The following CES5A variants were observed in gnomAD, a reference collection of about 807,000 sequenced individuals.
The protein encoded by CES5A is carboxylesterase 5.
A neutral mutation model predicts 62.9 loss-of-function variants in CES5A; 67 were observed. The ratio of observed to expected loss-of-function variants is 1.07; its 90% CI spans 0.88 to 1.31. The LOEUF (loss-of-function observed/expected upper bound fraction) is 1.31. Ranked by LOEUF, CES5A falls within the 50% of genes most tolerant of loss-of-function variation. CES5A has a pLI of 0.00. For synonymous variants in CES5A, 296 were observed against 280.8 expected, an observed-to-expected ratio of 1.05 and a Z score of -0.54; for missense variants, 748 against 708.5, an observed-to-expected ratio of 1.06 and a Z score of -0.63.
chr16:55,894,283 C>T (rs750552162), intron 1 of CES5A, among the ~76,000 whole-genome samples: 15 of 151,594 alleles, frequency 9.9e-5, no homozygotes, highest in African/African-American at 2.7e-4. Context: ...CCAAGGCAGG[C>T]GGATCATGAG....
intron 1 of CES5A, among the ~76,000 whole-genome samples, chr16:55,920,513 A>AC (rs1210659669): frequency 2.6e-5 from 4 of 151,770 alleles, no homozygotes; most frequent in South Asian, 4.2e-4. Context: ...CCCCTTTGAG[A>AC]CCCCCCCATT....
At chr16:55,875,093 A>T (rs1223569060) in intron 1 of CES5A, 56 bp downstream of exon 1, 1 of 1,545,668 alleles carries the variant, frequency 6.5e-7, no homozygotes, top group African/African-American at 1.4e-5. Context: ...CTACCAGTGG[A>T]AAATCCTCAC....
intron 1 of CES5A, among the ~76,000 whole-genome samples, chr16:55,902,177 G>C (rs115528534): frequency 0.012 from 1,811 of 152,232 alleles, 50 homozygotes; most frequent in African/African-American, 0.041. Context: ...GGCAGGCCAG[G>C]GCAGCCGGCA....
chr16:55,863,761 CTTT>C (rs35575589), intron 5 of CES5A, among the ~76,000 whole-genome samples: 3 of 141,484 alleles, frequency 2.1e-5, no homozygotes, highest in African/African-American at 2.6e-5. Context: ...CTTTTTATTT[CTTT>C]TTTTTTTTTT....
chr16:55,865,934 T>C (rs2033447743), intron 5 of CES5A, 29 bp downstream of exon 5: 1 of 1,613,934 alleles, frequency 6.2e-7, no homozygotes, highest in Non-Finnish European at 8.5e-7. Flanking sequence ...GCACTGAGAT[T>C]CATTCAAACC....
At position 55,863,252 on chromosome 16, in the gene CES5A, C is replaced by T. The variant is rs1432559990; in HGVS notation, c.810+96G>A. ...CAGCATGAGGTGCCTTGGGCATGGTCACTAAGGAAAGCCAAACACATGGTG... is the reference window on the plus strand; with the variant it reads ...CAGCATGAGGTGCCTTGGGCATGGTTACTAAGGAAAGCCAAACACATGGTG... On this transcript the variant is annotated intron_variant, in intron 6 of 12. Coordinates refer to ENST00000290567, the MANE Select transcript of CES5A (RefSeq NM_001143685.2). The T allele has an allele frequency of 1.0e-5, 8 of 763,108 alleles. No homozygotes were observed. The Admixed American group carries it at 1.1e-4, about 10-fold the overall frequency. The allele number at this position is 763,108 out of a possible 1,614,324, so 47.3% of individuals were successfully genotyped here.
At chr16:55,864,680 A>C (rs2033419396) in intron 5 of CES5A, among the ~76,000 whole-genome samples, 2 of 151,930 alleles carry the variant, frequency 1.3e-5, no homozygotes, top group South Asian at 4.2e-4. Flanking sequence ...GGATCACTTG[A>C]GCCCAGAAGT....
At chr16:55,874,707 A>G (rs1474518331) in intron 1 of CES5A, among the ~76,000 whole-genome samples, 1 of 152,216 alleles carries the variant, frequency 6.6e-6, no homozygotes, top group Non-Finnish European at 1.5e-5. Flanking sequence ...GAGACTGGGC[A>G]TGCAGGGGTC....
chr16:55,852,551 A>T (rs1344102927), intron 10 of CES5A, among the ~76,000 whole-genome samples: 2 of 152,236 alleles, frequency 1.3e-5, no homozygotes, highest in Non-Finnish European at 2.9e-5. Flanking sequence ...TTGTTCCATT[A>T]CTACGTATGG....
In CES5A at chr16:55,872,286, C is replaced by G. The variant is rs78619444; in HGVS notation, c.279-523G>C. 4.3e-3 allele frequency among the ~76,000 whole-genome samples: 658 copies of G among 152,334 alleles called. 29 individuals carry two copies. The East Asian group carries it at 0.086, about 20-fold the overall frequency. ...AAGCCGGGCCCTTGCCTCGACTGCT[C>G]TCTCCCTGTATCTGCGTGCTCACAT... On this transcript the variant is annotated intron_variant, in intron 2 of 12. Coordinates refer to ENST00000290567, the MANE Select transcript of CES5A (RefSeq NM_001143685.2).
upstream of CES5A, among the ~76,000 whole-genome samples, chr16:55,926,787 C>T (rs2039252324): frequency 6.6e-6 from 1 of 152,208 alleles, no homozygotes; most frequent in Non-Finnish European, 1.5e-5. Flanking sequence ...CTTTCAAGAA[C>T]GTCAACATGC....
At chr16:55,895,336 G>A (rs1187315056) in intron 1 of CES5A, among the ~76,000 whole-genome samples, 1 of 152,226 alleles carries the variant, frequency 6.6e-6, no homozygotes, top group African/African-American at 2.4e-5. Context: ...TCCAACCTAT[G>A]AGAGGAGCTG....
intron 2 of CES5A, among the ~76,000 whole-genome samples, chr16:55,931,124 G>A (rs764609974): frequency 6.6e-5 from 10 of 152,184 alleles, no homozygotes; most frequent in African/African-American, 9.7e-5. Flanking sequence ...CAGGGTTCTT[G>A]ACTCCTAGTC....
intron 1 of CES5A, among the ~76,000 whole-genome samples, chr16:55,899,146 G>A (rs1395883032): frequency 2.0e-5 from 3 of 152,132 alleles, no homozygotes; most frequent in Non-Finnish European, 4.4e-5. Context: ...CTGTTTAAGT[G>A]CCTGCCCTAG....
At chr16:55,862,542 A>C (rs1353803018) in intron 6 of CES5A, among the ~76,000 whole-genome samples, 2 of 152,328 alleles carry the variant, frequency 1.3e-5, no homozygotes, top group African/African-American at 4.8e-5. Flanking sequence ...ATATGCCCAA[A>C]CTGAAAATAG....
intron 1 of CES5A, among the ~76,000 whole-genome samples, chr16:55,920,546 A>T (rs929065727): frequency 6.6e-6 from 1 of 152,216 alleles, no homozygotes; most frequent in African/African-American, 2.4e-5. Flanking sequence ...TGCTTAGATC[A>T]TTTATTAGAA....
chr16:55,857,886 G>A (rs1438517715), intron 8 of CES5A, among the ~76,000 whole-genome samples: 4 of 152,146 alleles, frequency 2.6e-5, no homozygotes, highest in Non-Finnish European at 5.9e-5. Context: ...CAGGTAAACA[G>A]AGAACTCGAT....
At chr16:55,855,807 G>A (rs2033230559) in intron 9 of CES5A, among the ~76,000 whole-genome samples, 2 of 152,166 alleles carry the variant, frequency 1.3e-5, no homozygotes, top group African/African-American at 4.8e-5. Flanking sequence ...GATTGGGTTT[G>A]TGGGACTATT....
At chr16:55,934,988 G>A (rs1448468528) in intron 2 of CES5A, among the ~76,000 whole-genome samples, 1 of 152,186 alleles carries the variant, frequency 6.6e-6, no homozygotes, top group African/African-American at 2.4e-5. Context: ...TGTCACTCAG[G>A]CTAGAGTACA....
Sources: gnomAD v4.1 joint callset for allele counts (sites outside exome capture counted in the v4.1 genomes callset) on GRCh38, gnomAD v4.1.1 for gene constraint, MANE v1.5 for transcripts, NCBI Gene and HGNC (gene_info 2026-07-23, HGNC 2026-07-21) for gene names.